CPNE3: variants seen among roughly 807,000 people sequenced by gnomAD.
CPNE3 encodes copine 3.
CPNE3 carries 68 observed loss-of-function variants against 63.9 expected under a neutral mutation model. The observed-to-expected ratio is 1.06, with a 90% CI of 0.87 to 1.30. The LOEUF is 1.30. Among genes scored for constraint, CPNE3 ranks in the 50% most tolerant of loss-of-function variants. The pLI, the probability that CPNE3 is intolerant of heterozygous loss-of-function variation, is 0.00. For missense variants in CPNE3, 665 were observed against 578.1 expected, an observed-to-expected ratio of 1.15 and a Z score of -1.54; for synonymous variants, 219 against 197.5, an observed-to-expected ratio of 1.11 and a Z score of -0.91.
chr8:86,515,988 T>C (rs1268127890), intron 2 of CPNE3, among the ~76,000 whole-genome samples: 1 of 152,206 alleles, frequency 6.6e-6, no homozygotes, highest in African/African-American at 2.4e-5. Flanking sequence ...CAACAATAGA[T>C]GTCTCAGTCA....
intron 2 of CPNE3, among the ~76,000 whole-genome samples, chr8:86,527,946 A>ATTTTTTTATTTTTTTTTTTTTTTTTTTT (rs1820574398): frequency 1.2e-5 from 1 of 85,928 alleles, no homozygotes; most frequent in African/African-American, 5.7e-5. Flanking sequence ...GTAAAAAGAA[A>ATTTTTTTATTTTTTTTTTTTTTTTTTTT]TTTTTTTTTT....
At chr8:86,534,805 T>A (rs1820767908) in intron 6 of CPNE3, among the ~76,000 whole-genome samples, 1 of 152,228 alleles carries the variant, frequency 6.6e-6, no homozygotes, top group East Asian at 1.9e-4. Flanking sequence ...AAAAGTAAGT[T>A]AAAATGTTTG....
chr8:86,536,041 T>C (rs1820795916), intron 6 of CPNE3, among the ~76,000 whole-genome samples: 1 of 152,106 alleles, frequency 6.6e-6, no homozygotes, highest in Admixed American at 6.6e-5. Flanking sequence ...GTAAAAAATT[T>C]ACATGGCTCT....
At chr8:86,536,154 T>C (rs1820799584) in intron 6 of CPNE3, among the ~76,000 whole-genome samples, 1 of 151,744 alleles carries the variant, frequency 6.6e-6, no homozygotes, top group Admixed American at 6.6e-5. Context: ...AGTTGTGTTT[T>C]ATAATTTAAT....
In CPNE3 at chr8:86,548,346, G is replaced by A. The variant is rs747030132; in HGVS notation, c.925G>A (p.Asp309Asn). The change falls in exon 12 of 17, where the codon GAC (aspartate) becomes AAC (asparagine). Residue 309 changes from aspartate (D) to asparagine (N), a missense_variant. Asp to Asn is a conservative substitution (Grantham distance 23). Transcript: ENST00000517490. ...CTCCAATGGTGACCCAAGGTCTCCA[G>A]ACTCCCTTCATTACATCAGCCCCAA... is the stretch of plus-strand genomic sequence containing the variant. The part of the protein sequence containing the change: ...TGSNGDPRSP[D>N]SLHYISPNGV... 2 of 1,614,118 alleles carry A rather than the reference G, an allele frequency of 1.2e-6. No homozygotes were observed. The highest frequency in any genetic ancestry group is 2.2e-5 in the South Asian group (2 of 91,084).
chr8:86,521,269 A>G (rs939606150), intron 2 of CPNE3, among the ~76,000 whole-genome samples: 2 of 152,224 alleles, frequency 1.3e-5, no homozygotes, highest in African/African-American at 4.8e-5. Flanking sequence ...TTAATGGGTT[A>G]TCTTGAAGAG....
chr8:86,552,335 T>C (rs939360837), intron 14 of CPNE3, among the ~76,000 whole-genome samples: 3 of 152,220 alleles, frequency 2.0e-5, no homozygotes, highest in Admixed American at 2.0e-4. Context: ...TCAGTGTTCT[T>C]TGAGGCACTT....
intron 7 of CPNE3, 104 bp from the exon 8 acceptor site, chr8:86,540,141 G>A (rs1820900510): frequency 4.2e-6 from 3 of 712,228 alleles, no homozygotes; most frequent in Non-Finnish European, 7.7e-6. Flanking sequence ...TGAAGAGGTG[G>A]AGGACGAATG....
At chr8:86,522,442 T>C (rs538277643) in intron 2 of CPNE3, among the ~76,000 whole-genome samples, 1 of 151,988 alleles carries the variant, frequency 6.6e-6, no homozygotes, top group South Asian at 2.1e-4. Flanking sequence ...AGCAAAATAA[T>C]GGGTTTACAG....
intron 8 of CPNE3, among the ~76,000 whole-genome samples, chr8:86,541,753 T>G (rs1267166865): frequency 6.7e-6 from 1 of 148,708 alleles, no homozygotes; most frequent in African/African-American, 2.5e-5. Context: ...CCATAAAAAA[T>G]TGCTTCCAGT....
rs1820586448 is a variant in CPNE3 at position 86,528,401 on chromosome 8, G to C, written c.-10-135G>C. 37 of 831,506 alleles carry C rather than the reference G, an allele frequency of 4.4e-5. 3 individuals are homozygous for C. The South Asian group carries it at 6.2e-4, about 14-fold the overall frequency. 51.5% of individuals were successfully genotyped at this position (831,506 alleles called of 1,614,324 possible). A position where few individuals can be genotyped will look rare whatever the true frequency, so the allele number is the denominator to read the frequency against. On this transcript the variant is annotated intron_variant, in intron 2 of 16. Transcript: ENST00000517490. Reference sequence around the variant, plus strand: ...ACATCCTGAGGAGGTGCATATAACAGTCTGATTCTGGCAAGTTCACTCTAT... The same window carrying C: ...ACATCCTGAGGAGGTGCATATAACACTCTGATTCTGGCAAGTTCACTCTAT...
chr8:86,548,233 T>G, intron 11 of CPNE3, 68 bp from the exon 12 acceptor site: 4 of 1,561,586 alleles, frequency 2.6e-6, no homozygotes, highest in Non-Finnish European at 3.5e-6. Context: ...CTCTTGAAGT[T>G]TTCCTGGACA....
At chr8:86,540,200 A>G (rs1431254201) in intron 7 of CPNE3, 45 bp from the exon 8 acceptor site, 4 of 1,194,406 alleles carry the variant, frequency 3.3e-6, no homozygotes, top group Non-Finnish European at 5.0e-6. Context: ...AATGTTAATG[A>G]ACTGGAAGTT....
intron 8 of CPNE3, among the ~76,000 whole-genome samples, chr8:86,542,097 C>T (rs958773053): frequency 2.0e-5 from 3 of 152,138 alleles, no homozygotes; most frequent in African/African-American, 7.2e-5. Flanking sequence ...ATTTTCTGAG[C>T]TTTCTCTAAT....
In CPNE3 at chr8:86,531,221, A is replaced by G; in HGVS notation, c.379A>G (p.Ser127Gly). 1 of 1,185,124 alleles carries G rather than the reference A, an allele frequency of 8.4e-7. No homozygotes were observed. 73.4% of individuals were successfully genotyped at this position (1,185,124 alleles called of 1,614,324 possible). A position where few individuals can be genotyped will look rare whatever the true frequency, so the allele number is the denominator to read the frequency against. Residue 127 changes from serine (S) to glycine (G), a missense_variant, in exon 5 of 17, where the codon AGC becomes GGC. By Grantham distance (56) the Ser-to-Gly change is moderately conservative (BLOSUM62 0). Transcript: ENST00000517490. ...AACTGGCAGACCTGCAGGAAAAGGG[A>G]GCATTACGGTAAAAATAAGATATTT... ...MKTGRPAGKGSITISAEEIKD... is the reference protein window; with the variant it reads ...MKTGRPAGKGGITISAEEIKD...
intron 5 of CPNE3, among the ~76,000 whole-genome samples, chr8:86,531,973 C>T (rs1414832087): frequency 6.6e-6 from 1 of 152,142 alleles, no homozygotes; most frequent in African/African-American, 2.4e-5. Flanking sequence ...TAGTTTAAAT[C>T]TCCAAAGGCA....
chr8:86,551,074 G>A lies in CPNE3; in HGVS notation c.1042G>A (p.Gly348Ser), dbSNP rs146814395. 1.9e-6 allele frequency: 3 copies of A among 1,609,122 alleles called. No individual in the cohort carries two copies. The African/African-American group carries it at 4.0e-5, about 22-fold the overall frequency. ...TAAGATGTTTCCAGCTTTTGGTTTT[G>A]GCGCTCAGATACCTCCTCAGTGGCA... ...ADKMFPAFGF[G>S]AQIPPQWQVS... Residue 348 changes from glycine (G) to serine (S), a missense_variant, in exon 13 of 17, where the codon GGC (glycine) becomes AGC (serine). Coordinates refer to ENST00000517490, the MANE Select transcript of CPNE3 (RefSeq NM_003909.5).
intron 8 of CPNE3, among the ~76,000 whole-genome samples, chr8:86,540,835 T>C (rs1237308008): frequency 6.6e-6 from 1 of 152,154 alleles, no homozygotes; most frequent in East Asian, 1.9e-4. Context: ...GGCTTTAGTT[T>C]TAGAGTATCA....
intron 2 of CPNE3, among the ~76,000 whole-genome samples, chr8:86,527,047 A>G (rs1820558075): frequency 6.6e-6 from 1 of 152,196 alleles, no homozygotes. Flanking sequence ...AGATTTGCTT[A>G]GGCATTTTAT....
Sources: allele counts gnomAD v4.1 joint callset (sites outside exome capture counted in the v4.1 genomes callset), GRCh38; gene constraint gnomAD v4.1.1; transcripts MANE v1.5; gene names NCBI Gene and HGNC (gene_info 2026-07-23, HGNC 2026-07-21).